Variants in OSBPL9 observed in about 807,000 individuals in gnomAD.
The protein encoded by OSBPL9 is oxysterol binding protein like 9, also known as oxysterol-binding protein-related protein 9.
In OSBPL9, 40 loss-of-function variants were observed where a neutral mutation model predicts 106.6. That is an observed-to-expected ratio of 0.38 (90% CI 0.29 to 0.49). The LOEUF is 0.49. Ranked by LOEUF, OSBPL9 falls within the 20% of genes least tolerant of loss-of-function variation. OSBPL9 has a pLI of 0.97. For missense variants in OSBPL9, 609 were observed against 887.2 expected (o/e 0.69, Z 3.98); for synonymous variants, 269 against 295.4 (o/e 0.91, Z 0.92).
chr1:51,518,696 G>C, the OSBPL9 span, among the ~76,000 whole-genome samples: 3 of 152,122 alleles, frequency 2.0e-5, no homozygotes, highest in Admixed American at 2.0e-4. Flanking sequence ...AGACTGGCTT[G>C]GGGGGCCTGC....
chr1:51,751,125 T>C (rs969520298), intron 8 of OSBPL9, among the ~76,000 whole-genome samples: 1 of 152,226 alleles, frequency 6.6e-6, no homozygotes, highest in African/African-American at 2.4e-5. Context: ...TCTCGCTCTG[T>C]TGCCCAGGCT....
chr1:51,776,817 T>C lies in OSBPL9; in HGVS notation c.1171-16T>C, dbSNP rs1266192448. On this transcript the variant is annotated splice_polypyrimidine_tract_variant and intron_variant, in intron 14 of 23. Coordinates refer to ENST00000428468, the MANE Select transcript of OSBPL9 (RefSeq NM_024586.6). The stretch of plus-strand genomic sequence containing the variant: ...AGAAATTTGATCTTCAAGGGTCAAA[T>C]GTGTATGTTTTTCAGGTAGTTCTTC... The C allele has an allele frequency of 6.5e-7, 1 of 1,549,460 alleles. No individual in the cohort carries two copies.
intron 3 of OSBPL9, among the ~76,000 whole-genome samples, chr1:51,678,243 C>T (rs958125428): frequency 8.5e-4 from 130 of 152,170 alleles, no homozygotes; most frequent in African/African-American, 3.0e-3. Context: ...AATATACTTT[C>T]AAAGCAATAC....
At chr1:51,681,474 T>C (rs959764496) in intron 3 of OSBPL9, among the ~76,000 whole-genome samples, 1 of 152,196 alleles carries the variant, frequency 6.6e-6, no homozygotes, top group African/African-American at 2.4e-5. Flanking sequence ...ATATTTACTG[T>C]TTTCAGCATT....
At chr1:51,584,114 G>T (rs905566989) in intron 1 of OSBPL9, among the ~76,000 whole-genome samples, 1 of 151,918 alleles carries the variant, frequency 6.6e-6, no homozygotes, top group African/African-American at 2.4e-5. Context: ...CCTTAGCCCC[G>T]CAAGTAGATG....
chr1:51,604,059 G>T (rs1340666745), intron 2 of OSBPL9, among the ~76,000 whole-genome samples: 1 of 152,122 alleles, frequency 6.6e-6, no homozygotes, highest in Admixed American at 6.5e-5. Flanking sequence ...AGCTTGCTCT[G>T]TGCACAGGCC....
chr1:51,635,641 A>G (rs1455413612), intron 1 of OSBPL9, among the ~76,000 whole-genome samples: 1 of 152,212 alleles, frequency 6.6e-6, no homozygotes, highest in Non-Finnish European at 1.5e-5. Flanking sequence ...TTAACTTTAT[A>G]AGGGATGCAA....
At chr1:51,731,483 G>A in intron 4 of OSBPL9, among the ~76,000 whole-genome samples, 1 of 151,824 alleles carries the variant, frequency 6.6e-6, no homozygotes, top group East Asian at 1.9e-4. Context: ...AAAAAGGCGG[G>A]CGCAGTAGCT....
intron 1 of OSBPL9, among the ~76,000 whole-genome samples, chr1:51,630,409 A>G (rs1275126900): frequency 2.0e-5 from 3 of 152,136 alleles, no homozygotes; most frequent in African/African-American, 7.2e-5. Context: ...CGTTTTCTGC[A>G]CTACAACATT....
chr1:51,617,242 G>C (rs768888032), intron 1 of OSBPL9, 21 bp downstream of exon 1: 2 of 1,581,880 alleles, frequency 1.3e-6, no homozygotes, highest in Middle Eastern at 1.7e-4. Context: ...GGAGGGCACA[G>C]CTCCAGGCGC....
intron 2 of OSBPL9, among the ~76,000 whole-genome samples, chr1:51,604,839 C>T (rs1643930717): frequency 6.6e-6 from 1 of 151,544 alleles, no homozygotes; most frequent in Admixed American, 6.6e-5. Context: ...TTTTAGTAGA[C>T]ACGGGGTTTC....
intron 2 of OSBPL9, among the ~76,000 whole-genome samples, chr1:51,604,224 C>T (rs547480910): frequency 1.1e-4 from 17 of 152,254 alleles, no homozygotes; most frequent in African/African-American, 3.1e-4. Flanking sequence ...TGTAATGGGA[C>T]GCAAATACTG....
chr1:51,739,383 A>T (rs1666387429), intron 4 of OSBPL9, among the ~76,000 whole-genome samples: 1 of 152,000 alleles, frequency 6.6e-6, no homozygotes, highest in South Asian at 2.1e-4. Context: ...ACTCTGAAAA[A>T]AATTTAATAT....
At chr1:51,532,877 G>A in the OSBPL9 span, among the ~76,000 whole-genome samples, 179 of 152,290 alleles carry the variant, frequency 1.2e-3, no homozygotes, top group Non-Finnish European at 1.9e-3. Flanking sequence ...GATCAGAGAA[G>A]TGTTGGAGTC....
intron 7 of OSBPL9, 56 bp downstream of exon 7, chr1:51,748,454 T>C: frequency 7.1e-7 from 1 of 1,412,702 alleles, no homozygotes; most frequent in South Asian, 1.7e-5. Flanking sequence ...TTTAAAAAGT[T>C]ATTTCTATTT....
the OSBPL9 span, among the ~76,000 whole-genome samples, chr1:51,571,089 T>C: frequency 8.5e-5 from 13 of 152,332 alleles, no homozygotes; most frequent in African/African-American, 3.1e-4. Flanking sequence ...TCCTTCCTTA[T>C]GATCCCACAG....
At chr1:51,542,779 T>C in the OSBPL9 span, among the ~76,000 whole-genome samples, 181 of 152,334 alleles carry the variant, frequency 1.2e-3, 1 homozygote, top group Non-Finnish European at 2.2e-3. Context: ...AGTGCTGGAA[T>C]CCTAACTCAG....
chr1:51,664,547 G>A (rs538115972), intron 2 of OSBPL9, among the ~76,000 whole-genome samples: 6 of 152,036 alleles, frequency 3.9e-5, no homozygotes, highest in South Asian at 2.1e-4. Context: ...AAAATTAGCC[G>A]GGCGTGTGGT....
intron 1 of OSBPL9, among the ~76,000 whole-genome samples, chr1:51,628,206 T>G (rs957606702): frequency 2.0e-5 from 3 of 152,318 alleles, no homozygotes; most frequent in African/African-American, 7.2e-5. Flanking sequence ...ATAGCTTTCC[T>G]AACAACTCTT....
Sources: allele counts gnomAD v4.1 joint callset (sites outside exome capture counted in the v4.1 genomes callset), GRCh38; gene constraint gnomAD v4.1.1; transcripts MANE v1.5; gene names NCBI Gene and HGNC (gene_info 2026-07-23, HGNC 2026-07-21).